Variants in MAP7D2 observed in about 807,000 individuals in gnomAD.
MAP7D2 encodes MAP7 domain containing 2, also known as MAP7 domain-containing protein 2.
Under a neutral mutation model 63.5 loss-of-function variants are expected in MAP7D2, and 33 were observed. The observed-to-expected ratio is 0.52, with a 90% CI of 0.39 to 0.70. The LOEUF is 0.70. MAP7D2 is among the 30% of genes least tolerant of loss of function. The pLI, the probability that MAP7D2 is intolerant of heterozygous loss-of-function variation, is 0.00. For synonymous variants in MAP7D2, 224 were observed against 223.7 expected (o/e 1.00, Z -0.01); for missense variants, 626 against 604.0 (o/e 1.04, Z -0.38).
intron 1 of MAP7D2, among the ~76,000 whole-genome samples, chrX:20,104,731 G>T (rs2066524026): frequency 8.9e-6 from 1 of 112,086 alleles, no homozygotes; most frequent in South Asian, 3.7e-4. Flanking sequence ...CTCCACCAGG[G>T]GAAAAATTAC....
At chrX:20,093,650 C>G (rs1478403719) in intron 1 of MAP7D2, among the ~76,000 whole-genome samples, 1 of 109,638 alleles carries the variant, frequency 9.1e-6, no homozygotes, top group African/African-American at 3.3e-5. Context: ...GAGTGAGACT[C>G]CATCTCAAAA....
chrX:20,108,107 T>G (rs995377231), intron 1 of MAP7D2, among the ~76,000 whole-genome samples: 3 of 111,849 alleles, frequency 2.7e-5, no homozygotes, highest in Non-Finnish European at 5.6e-5. Context: ...TTGTTTGTTT[T>G]TTTCTTCAGG....
intron 1 of MAP7D2, among the ~76,000 whole-genome samples, chrX:20,080,724 A>G (rs960423968): frequency 9.0e-6 from 1 of 111,593 alleles, no homozygotes; most frequent in Non-Finnish European, 1.9e-5. Context: ...CTGGGTTCTA[A>G]CCCCATGGAG....
intron 15 of MAP7D2, among the ~76,000 whole-genome samples, chrX:20,011,514 C>T (rs948530732): frequency 8.9e-6 from 1 of 112,576 alleles, no homozygotes; most frequent in Non-Finnish European, 1.9e-5. Context: ...GCTTTTCCTT[C>T]CTGCAGCCTC....
chrX:20,037,659 T>C (rs1348039505), intron 8 of MAP7D2, among the ~76,000 whole-genome samples: 1 of 111,889 alleles, frequency 8.9e-6, no homozygotes, highest in Non-Finnish European at 1.9e-5. Flanking sequence ...TGGTCAGATA[T>C]GTGATTATAT....
At chrX:20,061,207 C>A (rs1221733242) in intron 3 of MAP7D2, among the ~76,000 whole-genome samples, 1 of 109,211 alleles carries the variant, frequency 9.2e-6, no homozygotes, top group African/African-American at 3.3e-5. Flanking sequence ...CAGGCTGCAG[C>A]CCTCCCAGAG....
In MAP7D2 at chrX:20,098,817, G is replaced by T. The variant is rs761116327; in HGVS notation, c.130+17933C>A. Among the ~76,000 whole-genome samples, 7 of 112,484 alleles carry T rather than the reference G, an allele frequency of 6.2e-5. No individual in the cohort carries two copies. In the East Asian group the frequency reaches 1.4e-3, roughly 22 times the overall value. On this transcript the variant is annotated intron_variant, in intron 1 of 16. Transcript: ENST00000379643. ...GGGGACAGTTCTCAGCATGAATGCT[G>T]CCACCTGACATTTTCCACATCTCAA...
chrX:20,104,662 A>G (rs2066522590), intron 1 of MAP7D2, among the ~76,000 whole-genome samples: 1 of 112,096 alleles, frequency 8.9e-6, no homozygotes, highest in South Asian at 3.7e-4. Context: ...ACTGCTTAAA[A>G]ATATTGATTA....
rs184163287 is a variant in MAP7D2, at chrX:20,026,397, C to T, written c.1008-445G>A. On this transcript the variant is annotated intron_variant, in intron 8 of 16. Coordinates refer to ENST00000379643, the MANE Select transcript of MAP7D2 (RefSeq NM_001168465.2). The stretch of plus-strand genomic sequence containing the variant: ...CATTTTTAAGTGTACAGTTCAGTGG[C>T]GTTCAACTCTCCATTCCCCTCCCCT... 3.6e-5 allele frequency among the ~76,000 whole-genome samples: 4 copies of T among 111,583 alleles called. No individual in the cohort carries two copies. The East Asian group carries it at 8.4e-4, about 23-fold the overall frequency.
chrX:20,050,475 G>T (rs1264216461), intron 6 of MAP7D2, among the ~76,000 whole-genome samples: 1 of 111,839 alleles, frequency 8.9e-6, no homozygotes, highest in Admixed American at 9.5e-5. Flanking sequence ...ACCCCCAATG[G>T]TGAGAGCTAG....
At chrX:20,038,613 T>C (rs2064561640) in intron 8 of MAP7D2, among the ~76,000 whole-genome samples, 1 of 111,496 alleles carries the variant, frequency 9.0e-6, no homozygotes, top group Admixed American at 9.5e-5. Context: ...GTGGCACCAC[T>C]CACCATCACC....
intron 1 of MAP7D2, among the ~76,000 whole-genome samples, chrX:20,085,122 G>A (rs1294278654): frequency 9.0e-6 from 1 of 111,615 alleles, no homozygotes; most frequent in African/African-American, 3.3e-5. Flanking sequence ...ACCTATACAG[G>A]CCCTACCAGG....
chrX:20,007,846 C>G lies in MAP7D2; in HGVS notation c.*579G>C, dbSNP rs945701091. 1.8e-5 allele frequency: 2 copies of G among 112,241 alleles called. No homozygotes were observed. Among genetic ancestry groups the G allele is most frequent in the East Asian group, 5.6e-4 (2 of 3,594 alleles). 9.2% of individuals were successfully genotyped at this position (112,241 alleles called of 1,213,427 possible). ...CCCAGAAGAATAATGTGGGGCAATG[C>G]ATTTCTGCAGGTGGCAAAGCTTAAC... On this transcript the variant is annotated 3_prime_UTR_variant, in exon 17 of 17. Coordinates refer to ENST00000379643, the MANE Select transcript of MAP7D2 (RefSeq NM_001168465.2).
intron 1 of MAP7D2, among the ~76,000 whole-genome samples, chrX:20,067,594 C>A (rs1335487861): frequency 9.0e-6 from 1 of 111,478 alleles, no homozygotes; most frequent in Non-Finnish European, 1.9e-5. Flanking sequence ...GCACTTGAAG[C>A]CAGATTCCAA....
At chrX:20,095,632 T>A (rs1196364328) in intron 1 of MAP7D2, among the ~76,000 whole-genome samples, 1 of 111,221 alleles carries the variant, frequency 9.0e-6, no homozygotes, top group Non-Finnish European at 1.9e-5. Context: ...CCAAAAGAAT[T>A]GAAGCAGGGA....
chrX:20,021,061 A>AATCCCATT (rs1475925642), intron 10 of MAP7D2, among the ~76,000 whole-genome samples: 1 of 111,997 alleles, frequency 8.9e-6, no homozygotes, highest in African/African-American at 3.2e-5. Context: ...TCCGTCTAGG[A>AATCCCATT]ATCCCATTAA....
intron 1 of MAP7D2, among the ~76,000 whole-genome samples, chrX:20,073,497 G>A (rs1479821503): frequency 9.2e-6 from 1 of 108,785 alleles, no homozygotes; most frequent in African/African-American, 3.3e-5. Context: ...ATTAAATGTT[G>A]CTGGCCATTA....
At position 20,006,930 on chromosome X, in the gene MAP7D2, A is replaced by G. The variant is rs966330402; in HGVS notation, c.*1495T>C. 8.9e-6 allele frequency: 1 copy of G among 112,473 alleles called. No homozygotes were observed. 9.3% of individuals were successfully genotyped at this position (112,473 alleles called of 1,213,427 possible). A position where few individuals can be genotyped will look rare whatever the true frequency, so the allele number is the denominator to read the frequency against. On this transcript the variant is annotated 3_prime_UTR_variant, in exon 17 of 17. Transcript: ENST00000379643. ...GTACATATCATGCAAATGAGGCATC[A>G]CCATGGTCACAATGGTGCTGTGAGG...
In MAP7D2 at chrX:20,025,008, G is replaced by A; in HGVS notation, c.1355C>T (p.Ala452Val). 8.3e-7 allele frequency: 1 copy of A among 1,211,406 alleles called. No individual in the cohort carries two copies. The change falls in exon 10 of 17, where the codon GCC becomes GTC. Residue 452 changes from alanine to valine, a missense_variant. Coordinates refer to ENST00000379643, the MANE Select transcript of MAP7D2 (RefSeq NM_001168465.2). Reference protein sequence around the residue: ...AKILAEKRRQARLQKEQEEQE... With the variant: ...AKILAEKRRQVRLQKEQEEQE... The stretch of plus-strand genomic sequence containing the variant: ...CTCCTCCTGTTCCTTCTGCAGCCGG[G>A]CCTGTCTTCTCTTTTCAGCCAAGAT...
Sources: gnomAD v4.1 joint callset for allele counts (sites outside exome capture counted in the v4.1 genomes callset) on GRCh38, gnomAD v4.1.1 for gene constraint, MANE v1.5 for transcripts, NCBI Gene and HGNC (gene_info 2026-07-23, HGNC 2026-07-21) for gene names.